The following TJP2 variants were observed in gnomAD, a reference collection of about 807,000 sequenced individuals.
The protein encoded by TJP2 is tight junction protein 2.
TJP2 carries 91 observed loss-of-function variants against 133.1 expected under a neutral mutation model. The observed-to-expected ratio is 0.68, with a 90% CI of 0.58 to 0.81. TJP2 has a LOEUF of 0.81. TJP2 is among the 40% of genes least tolerant of loss of function. The pLI is 0.00. For missense variants in TJP2, 1,541 were observed against 1,565.6 expected, an observed-to-expected ratio of 0.98 and a Z score of 0.26; for synonymous variants, 592 against 583.4, an observed-to-expected ratio of 1.01 and a Z score of -0.21.
chr9:69,182,612 T>A (rs1825590884), intron 1 of TJP2, among the ~76,000 whole-genome samples: 1 of 152,012 alleles, frequency 6.6e-6, no homozygotes, highest in Admixed American at 6.6e-5. Flanking sequence ...GCTAAAAAAA[T>A]TTGCCTGGTA....
intron 1 of TJP2, among the ~76,000 whole-genome samples, chr9:69,198,562 C>A (rs1345911682): frequency 6.6e-6 from 1 of 152,112 alleles, no homozygotes; most frequent in Non-Finnish European, 1.5e-5. Flanking sequence ...AGTAGTAGGT[C>A]TGGGATCTAG....
At chr9:69,134,499 G>A (rs1014078177) in intron 1 of TJP2, among the ~76,000 whole-genome samples, 2 of 152,194 alleles carry the variant, frequency 1.3e-5, no homozygotes, top group South Asian at 4.1e-4. Context: ...GTCCTGTGGG[G>A]TGCACACCTG....
chr9:69,209,797 A>G (rs903792449), intron 1 of TJP2, among the ~76,000 whole-genome samples: 2 of 152,062 alleles, frequency 1.3e-5, no homozygotes, highest in African/African-American at 2.4e-5. Context: ...GTACAACTTC[A>G]TTAAAATATT....
Position 69,249,376 on chromosome 9 carries a change from G to A in TJP2, c.2882G>A (p.Ser961Asn), listed in dbSNP as rs754600051. ...RSSEPVQHEE[S>N]IRKPSPEPRA... The stretch of plus-strand genomic sequence containing the variant: ...TGAATGAACCTTTATGTCTTGTAGA[G>A]CATAAGGAAACCCAGCCCAGAGCCA... The change falls in exon 20 of 23, where the codon AGC (serine) becomes AAC (asparagine). Residue 961 changes from serine (S) to asparagine (N), a missense_variant and splice_region_variant. Transcript: ENST00000377245. 2.5e-6 allele frequency: 4 copies of A among 1,607,610 alleles called. No homozygotes were observed. The South Asian group carries it at 4.5e-5, about 18-fold the overall frequency.
At chr9:69,216,770 C>T (rs1180914627) in intron 3 of TJP2, among the ~76,000 whole-genome samples, 5 of 152,140 alleles carry the variant, frequency 3.3e-5, no homozygotes, top group Non-Finnish European at 7.3e-5. Flanking sequence ...GCATGCTTCT[C>T]AACCCCGATG....
At chr9:69,174,000 T>C (rs1824850861), upstream of TJP2, 2 of 985,130 alleles carry the variant, frequency 2.0e-6, no homozygotes, top group Admixed American at 6.2e-5. Context: ...CGCTCGGGCC[T>C]TGGGCTTCTC....
intron 1 of TJP2, among the ~76,000 whole-genome samples, chr9:69,183,902 T>G (rs1564412243): frequency 6.6e-6 from 1 of 152,052 alleles, no homozygotes; most frequent in East Asian, 1.9e-4. Context: ...ACCTAGCTAA[T>G]TTTTGTATTT....
chr9:69,193,501 G>A (rs2133076198), intron 1 of TJP2, among the ~76,000 whole-genome samples: 1 of 132,250 alleles, frequency 7.6e-6, no homozygotes, highest in Middle Eastern at 3.7e-3. Context: ...GCTTAATAAC[G>A]TTTAATTCAG....
chr9:69,191,419 C>T (rs568433218), intron 1 of TJP2, among the ~76,000 whole-genome samples: 8 of 152,246 alleles, frequency 5.3e-5, no homozygotes, highest in African/African-American at 1.7e-4. Flanking sequence ...CCAAACAGTT[C>T]GTTATTTCCT....
chr9:69,167,865 C>CAAA (rs33986127), intron 2 of TJP2, among the ~76,000 whole-genome samples: 7 of 128,954 alleles, frequency 5.4e-5, no homozygotes, highest in African/African-American at 8.7e-5. Context: ...GAGAGTCTGT[C>CAAA]AAAAAAAAAA....
intron 1 of TJP2, among the ~76,000 whole-genome samples, chr9:69,151,281 A>G (rs1452471656): frequency 3.9e-5 from 6 of 152,144 alleles, no homozygotes; most frequent in African/African-American, 1.4e-4. Flanking sequence ...CGGGAGTTCA[A>G]GACCAGCCTG....
At chr9:69,178,020 C>A (rs945799133) in intron 1 of TJP2, among the ~76,000 whole-genome samples, 6 of 152,064 alleles carry the variant, frequency 3.9e-5, no homozygotes, top group African/African-American at 1.4e-4. Flanking sequence ...ATAACAGTGA[C>A]GGCTCCATTC....
At chr9:69,232,953 C>T (rs1466193730) in intron 11 of TJP2, among the ~76,000 whole-genome samples, 4 of 152,152 alleles carry the variant, frequency 2.6e-5, no homozygotes, top group Admixed American at 2.0e-4. Context: ...GAAGGACTCC[C>T]AAGGTCCTCC....
At chr9:69,195,458 C>G (rs1323964677) in intron 1 of TJP2, among the ~76,000 whole-genome samples, 1 of 151,532 alleles carries the variant, frequency 6.6e-6, no homozygotes, top group African/African-American at 2.4e-5. Flanking sequence ...AAATTGGACT[C>G]ATGCAAATTT....
intron 6 of TJP2, 45 bp downstream of exon 6, chr9:69,225,452 C>G (rs372598101): frequency 6.4e-6 from 8 of 1,254,506 alleles, no homozygotes; most frequent in African/African-American, 1.5e-5. Flanking sequence ...TACTGCCGTT[C>G]ATCGCCTGCA....
intron 19 of TJP2, chr9:69,248,576 T>C: frequency 8.4e-7 from 1 of 1,196,942 alleles, no homozygotes; most frequent in Non-Finnish European, 1.0e-6. Flanking sequence ...ATTAGGTTTC[T>C]CTCTGTACTC....
chr9:69,174,173 G>A (rs1564401591), upstream of TJP2: 2 of 1,297,310 alleles, frequency 1.5e-6, no homozygotes, highest in Non-Finnish European at 2.0e-6. Flanking sequence ...GCGCGGAGGC[G>A]CCACGCTCGG....
chr9:69,166,437 G>GT (rs1307355334), intron 2 of TJP2, among the ~76,000 whole-genome samples: 2 of 149,898 alleles, frequency 1.3e-5, no homozygotes, highest in African/African-American at 4.9e-5. Flanking sequence ...CAGTAAAACA[G>GT]TTTTAAACAG....
At chr9:69,242,324 A>G (rs1830632026) in intron 17 of TJP2, among the ~76,000 whole-genome samples, 1 of 152,234 alleles carries the variant, frequency 6.6e-6, no homozygotes, top group African/African-American at 2.4e-5. Flanking sequence ...CCTTGAAGGC[A>G]GAGCCTGAAC....
Sources: allele counts gnomAD v4.1 joint callset (sites outside exome capture counted in the v4.1 genomes callset), GRCh38; gene constraint gnomAD v4.1.1; transcripts MANE v1.5; gene names NCBI Gene and HGNC (gene_info 2026-07-23, HGNC 2026-07-21).